Variants in ZKSCAN7 observed in about 807,000 individuals in gnomAD.
The protein encoded by ZKSCAN7 is zinc finger protein with KRAB and SCAN domains 7.
Under a neutral mutation model 65.3 loss-of-function variants are expected in ZKSCAN7, and 38 were observed. That is an observed-to-expected ratio of 0.58 (90% confidence interval 0.45 to 0.76). The LOEUF (loss-of-function observed/expected upper bound fraction) is 0.76, where lower values mean the gene tolerates loss of function less well. ZKSCAN7 is among the 30% of genes least tolerant of loss of function. The pLI is 0.00. For synonymous variants in ZKSCAN7, 321 were observed against 321.0 expected (o/e 1.00, Z 0.00); for missense variants, 815 against 913.3 (o/e 0.89, Z 1.39).
chr3:44,577,925 T>C (rs1480972753), intron 5 of ZKSCAN7, among the ~76,000 whole-genome samples: 3 of 152,218 alleles, frequency 2.0e-5, no homozygotes, highest in Admixed American at 2.0e-4. Flanking sequence ...ACACCTAGTC[T>C]TTCTTCAAGT....
chr3:44,580,145 G>C, intron 5 of ZKSCAN7: 1 of 1,606,558 alleles, frequency 6.2e-7, no homozygotes, highest in South Asian at 1.1e-5. Flanking sequence ...ACCTCCTGTG[G>C]TTGGGGGTGC....
chr3:44,556,973 C>A lies in ZKSCAN7; in HGVS notation c.-75C>A. The A allele has an allele frequency of 6.3e-7, 1 of 1,594,604 alleles. No individual in the cohort carries two copies. On this transcript the variant is annotated 5_prime_UTR_variant, in exon 2 of 6. Transcript: ENST00000426540. ...CTTTCTCCAACCCTGAAAAACAGTT[C>A]CTGAGACCTGAACTATTGACCATCA...
rs1241928735 is a variant in ZKSCAN7, at chr3:44,570,151, AAAATC to A, written c.1042_1046del (p.Lys348HisfsTer6). 1 of 1,614,170 alleles carries A rather than the reference AAAATC, an allele frequency of 6.2e-7. No individual in the cohort carries two copies. On this transcript the variant is annotated frameshift_variant, in exon 6 of 6. Coordinates refer to ENST00000426540, the MANE Select transcript of ZKSCAN7 (RefSeq NM_001288590.2). LOFTEE classifies it high-confidence loss of function. ...TGGAAATAACAGATGAAGATAAGAA[AAAATC>A]CACAAAAGACAGATATGACAAATAT...
chr3:44,562,022 T>TC (rs1444091246), intron 2 of ZKSCAN7, among the ~76,000 whole-genome samples: 1 of 152,240 alleles, frequency 6.6e-6, no homozygotes, highest in Non-Finnish European at 1.5e-5. Flanking sequence ...GTGTGGGGGC[T>TC]CCAACCTTGC....
chr3:44,579,849 TAGTC>T (rs1575386501), intron 5 of ZKSCAN7: 55 of 1,610,796 alleles, frequency 3.4e-5, no homozygotes, highest in Non-Finnish European at 4.4e-5. Flanking sequence ...TCATACTGCT[TAGTC>T]AGCCAGCCTT....
chr3:44,570,026 C>A lies in ZKSCAN7; in HGVS notation c.916C>A (p.Pro306Thr), dbSNP rs146457545. The change falls in exon 6 of 6, where the codon CCT (proline) becomes ACT (threonine). Residue 306 changes from proline (P) to threonine (T), a missense_variant. By Grantham distance (38) the Pro-to-Thr change is conservative (BLOSUM62 -1). Around this residue, in one of 3 missense-constraint regions of ZKSCAN7, gnomAD observed 578 missense variants for 629.5 expected, o/e 0.92. Transcript: ENST00000426540. Reference sequence around the variant, plus strand: ...ATCAGGGGGACTCTTTGGGGTGGTTCCTGGGGCAGCAGAGACTGGAGATGT... The same window carrying A: ...ATCAGGGGGACTCTTTGGGGTGGTTACTGGGGCAGCAGAGACTGGAGATGT... Reference protein sequence around the residue: ...RTSGGLFGVVPGAAETGDVCE... With the variant: ...RTSGGLFGVVTGAAETGDVCE... 7.4e-6 allele frequency: 12 copies of A among 1,613,494 alleles called. No individual in the cohort carries two copies. In the African/African-American group the frequency reaches 9.3e-5, roughly 13 times the overall value.
downstream of ZKSCAN7, among the ~76,000 whole-genome samples, chr3:44,575,857 C>T (rs1046109466): frequency 6.6e-6 from 1 of 152,184 alleles, no homozygotes; most frequent in Non-Finnish European, 1.5e-5. Flanking sequence ...GGATTACAGG[C>T]ATGAGCCACT....
At chr3:44,581,229 C>G (rs1381738259) in intron 5 of ZKSCAN7, among the ~76,000 whole-genome samples, 1 of 147,580 alleles carries the variant, frequency 6.8e-6, no homozygotes, top group Non-Finnish European at 1.5e-5. Flanking sequence ...CCAGCTCCCG[C>G]CCGCACCGCC....
chr3:44,557,457 G>A lies in ZKSCAN7; in HGVS notation c.410G>A (p.Ser137Asn). The part of the protein sequence containing the change: ...AVVEDFQRHL[S>N]GSEEVSAPAQ... Reference sequence around the variant, plus strand: ...GTGGAGGATTTCCAGAGACACCTCAGTGGATCAGAGGAGGTGAGCAGTTGA... The same window carrying A: ...GTGGAGGATTTCCAGAGACACCTCAATGGATCAGAGGAGGTGAGCAGTTGA... The change falls in exon 2 of 6, where the codon AGT becomes AAT. Residue 137 changes from serine (S) to asparagine (N), a missense_variant. Ser to Asn is a conservative substitution (Grantham distance 46). Transcript: ENST00000426540. The A allele has an allele frequency of 1.2e-6, 2 of 1,614,248 alleles. No individual in the cohort carries two copies. The highest frequency in any genetic ancestry group is 1.1e-5 in the South Asian group (1 of 91,090).
Position 44,571,773 on chromosome 3 carries a change from C to T in ZKSCAN7, c.*398C>T. On this transcript the variant is annotated 3_prime_UTR_variant, in exon 6 of 6. Coordinates refer to ENST00000426540, the MANE Select transcript of ZKSCAN7 (RefSeq NM_001288590.2). ...TTCAAAAAGGCTGATTCATGCCTTC[C>T]TGCCTCTTGGCTATGGCCCTCCCCA... 3 of 1,021,190 alleles carry T rather than the reference C, an allele frequency of 2.9e-6. No individual in the cohort carries two copies. The highest frequency in any genetic ancestry group is 3.5e-6 in the Non-Finnish European group (3 of 850,980). The allele number at this position is 1,021,190 out of a possible 1,614,324, so 63.3% of individuals were successfully genotyped here.
At chr3:44,561,867 C>T (rs1286418200) in intron 2 of ZKSCAN7, among the ~76,000 whole-genome samples, 1 of 152,226 alleles carries the variant, frequency 6.6e-6, no homozygotes, top group East Asian at 1.9e-4. Context: ...GTTATAGCCC[C>T]CATGGCTGCA....
At chr3:44,568,261 C>T in intron 4 of ZKSCAN7, 46 bp from the exon 5 acceptor site, 1 of 1,598,022 alleles carries the variant, frequency 6.3e-7, no homozygotes, top group Non-Finnish European at 8.5e-7. Flanking sequence ...TGACTCTGCC[C>T]TTCAGGCTGT....
At chr3:44,572,555 T>G (rs1477813095), downstream of ZKSCAN7, among the ~76,000 whole-genome samples, 1 of 151,932 alleles carries the variant, frequency 6.6e-6, no homozygotes, top group Admixed American at 6.6e-5. Context: ...ATCAACAGAT[T>G]AAGAACTGTG....
At chr3:44,565,717 T>A in intron 3 of ZKSCAN7, 62 bp downstream of exon 3, 3 of 1,431,566 alleles carry the variant, frequency 2.1e-6, no homozygotes, top group Non-Finnish European at 2.8e-6. Flanking sequence ...GGAGTCTCCT[T>A]TCCTTTATCT....
intron 2 of ZKSCAN7, among the ~76,000 whole-genome samples, chr3:44,558,774 T>C (rs1186617681): frequency 7.2e-6 from 1 of 138,810 alleles, no homozygotes; most frequent in Non-Finnish European, 1.5e-5. Flanking sequence ...CTTTCTCCTT[T>C]CTTCTTCATT....
chr3:44,570,280 A>T lies in ZKSCAN7; in HGVS notation c.1170A>T (p.Lys390Asn). Residue 390 changes from lysine to asparagine, a missense_variant, in exon 6 of 6, where the codon AAA becomes AAT. Lys to Asn is a moderately conservative substitution (Grantham distance 94). Transcript: ENST00000426540. The stretch of plus-strand genomic sequence containing the variant: ...CCTATCGATGTGATGAATGTGGCAA[A>T]GCTTTCAATCGGAGTTCTCACCTTA... Reference protein sequence around the residue: ...QKSYRCDECGKAFNRSSHLIG... With the variant: ...QKSYRCDECGNAFNRSSHLIG... 6.2e-7 allele frequency: 1 copy of T among 1,614,242 alleles called. No individual in the cohort carries two copies. Among genetic ancestry groups the T allele is most frequent in the Non-Finnish European group, 8.5e-7 (1 of 1,180,044 alleles).
At chr3:44,561,026 G>A (rs1321789887) in intron 2 of ZKSCAN7, among the ~76,000 whole-genome samples, 1 of 152,176 alleles carries the variant, frequency 6.6e-6, no homozygotes, top group East Asian at 1.9e-4. Context: ...CTAGGGTCTT[G>A]CTGTGGAATG....
chr3:44,582,907 CGTGTGTGTGTGTGTGTGT>C (rs4016043), intron 5 of ZKSCAN7: 186 of 354,068 alleles, frequency 5.3e-4, no homozygotes, highest in South Asian at 1.1e-3. Context: ...CATGAATATT[CGTGTGTGTGTGTGTGTGT>C]GTGTGTGTGT....
At chr3:44,580,689 G>A (rs985503512) in intron 5 of ZKSCAN7, 13 of 1,613,750 alleles carry the variant, frequency 8.1e-6, no homozygotes, top group East Asian at 4.5e-5. Context: ...CCTCTGGCCC[G>A]TGCGGCCCTC....
Sources: allele counts gnomAD v4.1 joint callset (sites outside exome capture counted in the v4.1 genomes callset), GRCh38; gene constraint gnomAD v4.1.1; regional missense constraint gnomAD v4.1.1; transcripts MANE v1.5; gene names NCBI Gene and HGNC (gene_info 2026-07-23, HGNC 2026-07-21).